Variants in SMYD3 observed in about 807,000 individuals in gnomAD.
SMYD3 encodes SET and MYND domain containing 3, also known as histone-lysine N-methyltransferase SMYD3.
SMYD3 carries 36 observed loss-of-function variants against 57.7 expected under a neutral mutation model. The ratio of observed to expected loss-of-function variants is 0.62; its 90% CI spans 0.48 to 0.82. SMYD3 has a LOEUF of 0.82. Ranked by LOEUF, SMYD3 falls within the 40% of genes least tolerant of loss-of-function variation. The pLI, the probability that SMYD3 is intolerant of heterozygous loss-of-function variation, is 0.00. For missense variants in SMYD3, 515 were observed against 538.8 expected (o/e 0.96, Z 0.44); for synonymous variants, 211 against 195.0 (o/e 1.08, Z -0.68).
chr1:246,127,057 A>C (rs1025249041), intron 5 of SMYD3, among the ~76,000 whole-genome samples: 2 of 151,852 alleles, frequency 1.3e-5, no homozygotes, highest in African/African-American at 2.4e-5. Context: ...AGCGGATTCC[A>C]ATGTATCTAC....
chr1:246,092,420 G>T (rs2060839140), intron 5 of SMYD3, among the ~76,000 whole-genome samples: 1 of 152,060 alleles, frequency 6.6e-6, no homozygotes. Context: ...TGGCAAATAG[G>T]CCAGTGGAAT....
intron 7 of SMYD3, among the ~76,000 whole-genome samples, chr1:245,918,575 C>T (rs1474687340): frequency 6.6e-6 from 1 of 152,190 alleles, no homozygotes; most frequent in Admixed American, 6.5e-5. Flanking sequence ...CAAAGGGTCA[C>T]CTATACCAGG....
intron 5 of SMYD3, among the ~76,000 whole-genome samples, chr1:245,989,302 C>A (rs2058767463): frequency 1.8e-5 from 1 of 57,136 alleles, no homozygotes; most frequent in Non-Finnish European, 6.6e-5. Flanking sequence ...TCAGTTAATC[C>A]ATCTTCCTGT....
intron 5 of SMYD3, among the ~76,000 whole-genome samples, chr1:246,008,969 C>T (rs912795677): frequency 1.3e-5 from 2 of 152,170 alleles, no homozygotes; most frequent in Admixed American, 1.3e-4. Context: ...GCCAGCCGTA[C>T]CGCTTGCTAG....
At chr1:245,942,174 A>T (rs771004570) in intron 5 of SMYD3, among the ~76,000 whole-genome samples, 33 of 152,360 alleles carry the variant, frequency 2.2e-4, no homozygotes, top group Non-Finnish European at 3.1e-4. Context: ...ATTAAAAGAC[A>T]CAGAATGGCA....
chr1:245,804,241 C>G (rs2048026142), intron 10 of SMYD3, among the ~76,000 whole-genome samples: 2 of 152,262 alleles, frequency 1.3e-5, no homozygotes, highest in South Asian at 4.2e-4. Flanking sequence ...AAAGCACATA[C>G]TCATGCATAC....
intron 5 of SMYD3, among the ~76,000 whole-genome samples, chr1:246,304,612 C>T (rs1461873774): frequency 6.6e-6 from 1 of 152,104 alleles, no homozygotes; most frequent in Non-Finnish European, 1.5e-5. Flanking sequence ...CATGAAAATC[C>T]ACTTACTAGC....
chr1:246,277,251 C>G (rs10924668), intron 5 of SMYD3, among the ~76,000 whole-genome samples: 6,119 of 151,704 alleles, frequency 0.04, 418 homozygotes, highest in African/African-American at 0.14. Context: ...ACCAATAAGC[C>G]TATATATAAA....
At chr1:246,138,416 A>AATTT (rs1427218615) in intron 5 of SMYD3, among the ~76,000 whole-genome samples, 2 of 151,528 alleles carry the variant, frequency 1.3e-5, no homozygotes, top group African/African-American at 4.8e-5. Context: ...CTATTTTAAA[A>AATTT]ATTTATTTAT....
chr1:246,048,200 A>G (rs900280382), intron 5 of SMYD3, among the ~76,000 whole-genome samples: 1 of 152,258 alleles, frequency 6.6e-6, no homozygotes, highest in African/African-American at 2.4e-5. Flanking sequence ...AACTCACGTT[A>G]GTTAACACTA....
intron 2 of SMYD3, 139 bp from the exon 3 acceptor site, chr1:246,335,613 T>A (rs2065531063): frequency 1.5e-6 from 1 of 671,124 alleles, no homozygotes; most frequent in Non-Finnish European, 2.5e-6. Context: ...AAAGCAATAT[T>A]CTAAATCTGA....
chr1:245,799,516 T>C (rs948345904), intron 10 of SMYD3, among the ~76,000 whole-genome samples: 1 of 139,446 alleles, frequency 7.2e-6, no homozygotes, highest in African/African-American at 2.7e-5. Context: ...AAGTCTGAGA[T>C]ATCATGACAA....
intron 5 of SMYD3, among the ~76,000 whole-genome samples, chr1:245,931,976 A>T (rs886781200): frequency 2.0e-5 from 3 of 152,262 alleles, no homozygotes; most frequent in Non-Finnish European, 4.4e-5. Flanking sequence ...AAGCAGCAAC[A>T]GTACATTGTC....
intron 5 of SMYD3, among the ~76,000 whole-genome samples, chr1:246,100,722 G>C (rs942555458): frequency 4.6e-5 from 7 of 152,204 alleles, no homozygotes; most frequent in African/African-American, 1.2e-4. Context: ...CTGGGACAGA[G>C]CTCCTCTGAG....
chr1:246,450,463 G>A (rs1484143713), intron 1 of SMYD3, among the ~76,000 whole-genome samples: 6 of 151,990 alleles, frequency 3.9e-5, no homozygotes, highest in Non-Finnish European at 8.8e-5. Flanking sequence ...AGCTGCACAC[G>A]GCCCTGAAAA....
chr1:246,378,870 A>T (rs7529902), intron 1 of SMYD3, among the ~76,000 whole-genome samples: 94,694 of 120,936 alleles, frequency 0.78, 37,321 homozygotes, highest in Middle Eastern at 0.86. Context: ...GTATATATAA[A>T]TATATTATAT....
In SMYD3 at chr1:246,481,592, C is replaced by CCA. The variant is rs1558484380; in HGVS notation, c.164+25460_164+25461dup. Among the ~76,000 whole-genome samples, 28 of 3,654 alleles carry CCA rather than the reference C, an allele frequency of 7.7e-3. 1 individual carries two copies. The highest frequency in any genetic ancestry group is 0.017 in the African/African-American group (27 of 1,558). 2.4% of individuals were successfully genotyped at this position (3,654 alleles called of 152,430 possible). ...AACGGATCATGGGACTTCTCAGGCT[C>CCA]CATATATATATATATACACATACAT... On this transcript the variant is annotated intron_variant, in intron 1 of 11. Transcript: ENST00000490107.
intron 1 of SMYD3, among the ~76,000 whole-genome samples, chr1:246,505,893 C>A (rs1029355170): frequency 3.5e-4 from 53 of 152,320 alleles, no homozygotes; most frequent in African/African-American, 1.3e-3. Context: ...GAATTGTTTT[C>A]AACCACACAG....
In SMYD3 at chr1:245,833,073, A is replaced by AAAAAAAAAAAAAAAAAAAAAAACACAAC; in HGVS notation, c.1076+25422_1076+25423insGTTGTGTTTTTTTTTTTTTTTTTTTTTT. ...GGAATATGTGACAAAAAAAAAAAAA[A>AAAAAAAAAAAAAAAAAAAAAAACACAAC]AACCTGCTTTTATAATGCTGATTCA... On this transcript the variant is annotated intron_variant, in intron 10 of 11. Transcript: ENST00000490107. 1.7e-3 allele frequency among the ~76,000 whole-genome samples: 218 copies of AAAAAAAAAAAAAAAAAAAAAAACACAAC among 128,508 alleles called. 15 individuals are homozygous for AAAAAAAAAAAAAAAAAAAAAAACACAAC. Among genetic ancestry groups the AAAAAAAAAAAAAAAAAAAAAAACACAAC allele is most frequent in the East Asian group, 5.1e-3 (15 of 2,954 alleles). 84.3% of individuals were successfully genotyped at this position (128,508 alleles called of 152,430 possible). A position where few individuals can be genotyped will look rare whatever the true frequency, so the allele number is the denominator to read the frequency against.
Sources: allele counts gnomAD v4.1 joint callset (sites outside exome capture counted in the v4.1 genomes callset), GRCh38; gene constraint gnomAD v4.1.1; transcripts MANE v1.5; gene names NCBI Gene and HGNC (gene_info 2026-07-23, HGNC 2026-07-21).